SLC35F3: variants seen among roughly 807,000 people sequenced by gnomAD.
SLC35F3 encodes the protein solute carrier family 35 member F3, also known as putative thiamine transporter SLC35F3.
Under a neutral mutation model 49.9 loss-of-function variants are expected in SLC35F3, and 25 were observed. That is an observed-to-expected ratio of 0.50 (90% CI 0.37 to 0.70). SLC35F3 has a LOEUF of 0.70. Ranked by LOEUF, SLC35F3 falls within the 30% of genes least tolerant of loss-of-function variation. SLC35F3 has a pLI of 0.00. For synonymous variants in SLC35F3, 275 were observed against 265.4 expected (o/e 1.04, Z -0.35); for missense variants, 525 against 639.8 (o/e 0.82, Z 1.94).
intron 3 of SLC35F3, among the ~76,000 whole-genome samples, chr1:234,266,649 A>C (rs889626006): frequency 1.3e-5 from 2 of 152,180 alleles, no homozygotes; most frequent in South Asian, 2.1e-4. Flanking sequence ...CCTGCTGCAC[A>C]CCTAGGCTAT....
intron 2 of SLC35F3, among the ~76,000 whole-genome samples, chr1:234,188,543 G>A (rs1038029868): frequency 1.4e-4 from 21 of 152,038 alleles, no homozygotes; most frequent in African/African-American, 5.1e-4. Context: ...GCCACAGCAA[G>A]CCCCTCCCAA....
At chr1:234,251,464 C>CAAAAAAA (rs56891961) in intron 3 of SLC35F3, among the ~76,000 whole-genome samples, 1 of 123,830 alleles carries the variant, frequency 8.1e-6, no homozygotes, top group African/African-American at 3.1e-5. Flanking sequence ...CAAACTAAAC[C>CAAAAAAA]AAAAAAAAAA....
intron 2 of SLC35F3, among the ~76,000 whole-genome samples, chr1:234,125,299 TAAC>T (rs1472022121): frequency 3.3e-5 from 5 of 152,104 alleles, no homozygotes; most frequent in Admixed American, 1.3e-4. Context: ...TCTCAACAAT[TAAC>T]AACAACATAA....
chr1:234,299,823 A>AAAAAT lies in SLC35F3; in HGVS notation c.609-9277_609-9276insAAATA, dbSNP rs747533974. ...CCATCTCAAAAAAAAAAAAAAAAAA[A>AAAAAT]AGAGAAGAAAAAAAATTGTTAAGAT... On this transcript the variant is annotated intron_variant, in intron 3 of 7. Coordinates refer to ENST00000366618, the MANE Select transcript of SLC35F3 (RefSeq NM_173508.4). Among the ~76,000 whole-genome samples, 444 of 150,488 alleles carry AAAAAT rather than the reference A, an allele frequency of 3.0e-3. 1 individual carries two copies. Among genetic ancestry groups the AAAAAT allele is most frequent in the Non-Finnish European group, 4.7e-3 (316 of 67,630 alleles).
At chr1:234,218,619 G>A (rs369743277) in intron 2 of SLC35F3, among the ~76,000 whole-genome samples, 182 of 152,220 alleles carry the variant, frequency 1.2e-3, no homozygotes, top group African/African-American at 4.1e-3. Flanking sequence ...ACTCATTCAC[G>A]AAGGAACTGT....
chr1:234,129,459 GAA>G (rs988314930), intron 2 of SLC35F3, among the ~76,000 whole-genome samples: 1 of 152,094 alleles, frequency 6.6e-6, no homozygotes, highest in African/African-American at 2.4e-5. Flanking sequence ...CTAAATAAAT[GAA>G]AAGATACACC....
intron 2 of SLC35F3, among the ~76,000 whole-genome samples, chr1:233,951,799 TG>T (rs1381902415): frequency 6.6e-6 from 1 of 152,104 alleles, no homozygotes; most frequent in Admixed American, 6.5e-5. Context: ...GGCTGATTCC[TG>T]GGCTCAAGTG....
At chr1:234,063,075 A>G (rs1664569111) in intron 2 of SLC35F3, among the ~76,000 whole-genome samples, 1 of 152,078 alleles carries the variant, frequency 6.6e-6, no homozygotes, top group South Asian at 2.1e-4. Flanking sequence ...GATCTGAGCA[A>G]GAGCAAGCAC....
rs544416193 is a variant in SLC35F3 at position 234,064,522 on chromosome 1, G to A, written c.283+158764G>A. ...TAGATGTTTTCCTCCAGCAGGTTTC[G>A]GCTGTCACATAACACAACTGGAGAT... On this transcript the variant is annotated intron_variant, in intron 2 of 7. Transcript: ENST00000366618. Among the ~76,000 whole-genome samples, 12 of 152,174 alleles carry A rather than the reference G, an allele frequency of 7.9e-5. No homozygotes were observed. The South Asian group carries it at 1.0e-3, about 13-fold the overall frequency.
intron 2 of SLC35F3, among the ~76,000 whole-genome samples, chr1:234,210,384 G>A (rs1412243420): frequency 6.6e-6 from 1 of 152,176 alleles, no homozygotes; most frequent in East Asian, 1.9e-4. Context: ...TGAGCAATAG[G>A]CAGAGATTGG....
intron 2 of SLC35F3, among the ~76,000 whole-genome samples, chr1:234,173,326 G>A (rs1558250141): frequency 6.6e-6 from 1 of 152,192 alleles, no homozygotes; most frequent in Non-Finnish European, 1.5e-5. Context: ...CAAAAGCCCT[G>A]AAAGGTAGAC....
chr1:233,914,517 A>G lies in SLC35F3; in HGVS notation c.283+8759A>G, dbSNP rs148248420. ...AAACCAGGTTCTGTTGTGTGCAACT[A>G]CAGGCTCCTTTCTGGATAGGATTTC... On this transcript the variant is annotated intron_variant, in intron 2 of 7. Coordinates refer to ENST00000366618, the MANE Select transcript of SLC35F3 (RefSeq NM_173508.4). Among the ~76,000 whole-genome samples the G allele has an allele frequency of 1.5e-3, 222 of 152,336 alleles. 2 individuals are homozygous for G. The highest frequency in any genetic ancestry group is 5.1e-3 in the African/African-American group (213 of 41,578).
chr1:233,988,448 T>G (rs1663301065), intron 2 of SLC35F3, among the ~76,000 whole-genome samples: 1 of 152,236 alleles, frequency 6.6e-6, no homozygotes, highest in Non-Finnish European at 1.5e-5. Context: ...CTGCTTCTGA[T>G]ACAGACTTGC....
intron 2 of SLC35F3, among the ~76,000 whole-genome samples, chr1:233,929,637 G>T (rs892585692): frequency 5.3e-5 from 8 of 152,154 alleles, no homozygotes; most frequent in Non-Finnish European, 8.8e-5. Flanking sequence ...TTGAGTGTTT[G>T]CATTTCAAAG....
intron 2 of SLC35F3, among the ~76,000 whole-genome samples, chr1:233,998,528 G>A (rs1663499434): frequency 6.6e-6 from 1 of 150,880 alleles, no homozygotes; most frequent in African/African-American, 2.4e-5. Flanking sequence ...CCTGACTAGT[G>A]TAGTGATTTT....
chr1:234,177,229 C>G (rs1187965258), intron 2 of SLC35F3, among the ~76,000 whole-genome samples: 2 of 152,206 alleles, frequency 1.3e-5, no homozygotes, highest in African/African-American at 4.8e-5. Flanking sequence ...TGCCTTCCAC[C>G]ATGATTGTGA....
chr1:234,295,778 A>G (rs1054169276), intron 3 of SLC35F3, among the ~76,000 whole-genome samples: 2 of 152,244 alleles, frequency 1.3e-5, no homozygotes, highest in African/African-American at 4.8e-5. Context: ...AAGCCAGGCC[A>G]GCCAGCAGAT....
chr1:233,932,490 A>G (rs1447748722), intron 2 of SLC35F3, among the ~76,000 whole-genome samples: 12 of 152,182 alleles, frequency 7.9e-5, no homozygotes, highest in African/African-American at 2.7e-4. Flanking sequence ...ACTTAGGTGT[A>G]TGGACTGGGA....
intron 2 of SLC35F3, among the ~76,000 whole-genome samples, chr1:234,043,449 A>G (rs59250064): frequency 0.028 from 4,277 of 152,318 alleles, 96 homozygotes; most frequent in Middle Eastern, 0.075. Context: ...TATATTTTCT[A>G]AAGTTAAAGA....
Sources: gnomAD v4.1 joint callset for allele counts (sites outside exome capture counted in the v4.1 genomes callset) on GRCh38, gnomAD v4.1.1 for gene constraint, MANE v1.5 for transcripts, NCBI Gene and HGNC (gene_info 2026-07-23, HGNC 2026-07-21) for gene names.